The following TMEM243 variants were observed in gnomAD, a reference collection of about 807,000 sequenced individuals.
TMEM243 encodes the protein transmembrane protein 243.
TMEM243 carries 20 observed loss-of-function variants against 15.0 expected under a neutral mutation model. The observed-to-expected ratio is 1.33, with a 90% CI of 0.94 to 1.93. The LOEUF (loss-of-function observed/expected upper bound fraction) is 1.93. TMEM243 is among the 30% of genes most tolerant of loss of function. The pLI is 0.00. For synonymous variants in TMEM243, 72 were observed against 52.7 expected (o/e 1.37, Z -1.59); for missense variants, 156 against 142.1 (o/e 1.10, Z -0.50).
intron 1 of TMEM243, among the ~76,000 whole-genome samples, chr7:87,203,901 C>T (rs1802008831): frequency 1.3e-5 from 2 of 152,122 alleles, no homozygotes; most frequent in South Asian, 4.1e-4. Context: ...CCCAAAAAAG[C>T]AAGCTCTGGC....
chr7:87,212,483 C>A (rs1802822342), intron 1 of TMEM243, among the ~76,000 whole-genome samples: 2 of 152,098 alleles, frequency 1.3e-5, no homozygotes, highest in African/African-American at 4.8e-5. Flanking sequence ...CAAAGACCAG[C>A]AAAAATCACA....
chr7:87,209,695 C>CGAGACACAGTGAGAGT (rs1433900569), intron 1 of TMEM243, among the ~76,000 whole-genome samples: 6 of 92,706 alleles, frequency 6.5e-5, no homozygotes, highest in Non-Finnish European at 1.3e-4. Context: ...AGCGAGAGAG[C>CGAGACACAGTGAGAGT]GAGACACAGT....
intron 1 of TMEM243, chr7:87,216,994 T>A (rs1264269425): frequency 6.6e-6 from 1 of 152,164 alleles, no homozygotes; most frequent in African/African-American, 2.4e-5. Flanking sequence ...AATTTGATGA[T>A]CAAACAAGGG....
At chr7:87,202,522 T>C (rs751574185) in intron 1 of TMEM243, among the ~76,000 whole-genome samples, 8 of 152,156 alleles carry the variant, frequency 5.3e-5, no homozygotes, top group East Asian at 1.9e-4. Flanking sequence ...GATGGAGATA[T>C]ATGCAACTGG....
In TMEM243 at chr7:87,196,313, AT is replaced by A. The variant is rs1225224356; in HGVS notation, c.*322del. On this transcript the variant is annotated 3_prime_UTR_variant, in exon 4 of 4. Coordinates refer to ENST00000257637, the MANE Select transcript of TMEM243 (RefSeq NM_024315.4). The stretch of plus-strand genomic sequence containing the variant: ...TATTCAGTTTAACAGAAATAAAAGA[AT>A]ATTTGTCTTAAGATGCAAGATTTGT... The A allele has an allele frequency of 1.5e-5, 3 of 202,548 alleles. No individual in the cohort carries two copies. Among genetic ancestry groups the A allele is most frequent in the African/African-American group, 7.0e-5 (3 of 42,918 alleles). The allele number at this position is 202,548 out of a possible 1,614,324, so 12.5% of individuals were successfully genotyped here.
At chr7:87,209,523 AGAGAGTGAGAGAGAAAGT>A (rs1246097506) in intron 1 of TMEM243, among the ~76,000 whole-genome samples, 5 of 51,396 alleles carry the variant, frequency 9.7e-5, no homozygotes, top group African/African-American at 2.0e-4. Flanking sequence ...ACAGTGAGAG[AGAGAGTGAGAGAGAAAGT>A]GAGAGACAAT....
intron 2 of TMEM243, 57 bp from the exon 3 acceptor site, chr7:87,198,102 C>A: frequency 1.4e-6 from 2 of 1,434,448 alleles, no homozygotes; most frequent in Admixed American, 1.9e-5. Context: ...TTGGTAATTA[C>A]CAACTGGAGT....
intron 1 of TMEM243, 84 bp downstream of exon 1, chr7:87,219,342 C>T: frequency 1.5e-6 from 2 of 1,373,420 alleles, no homozygotes; most frequent in Non-Finnish European, 2.1e-6. Context: ...TTAGGAGCCG[C>T]AGAAAGACGC....
Position 87,209,774 on chromosome 7 carries a change from CAG to C in TMEM243, c.78+9650_78+9651del, listed in dbSNP as rs1315701221. On this transcript the variant is annotated intron_variant, in intron 1 of 3. Coordinates refer to ENST00000257637, the MANE Select transcript of TMEM243 (RefSeq NM_024315.4). ...ACAGAGCGAGACAGTGAGAGCGAGA[CAG>C]AGCGAGACAGTGAGAGCGAGACAGA... Among the ~76,000 whole-genome samples the C allele has an allele frequency of 2.5e-4, 18 of 72,944 alleles. No homozygotes were observed. In the East Asian group the frequency reaches 7.3e-3, roughly 30 times the overall value. The allele number at this position is 72,944 out of a possible 152,430, so 47.9% of individuals were successfully genotyped here.
chr7:87,201,859 C>T (rs771700167), intron 1 of TMEM243, among the ~76,000 whole-genome samples: 2 of 152,170 alleles, frequency 1.3e-5, no homozygotes, highest in Non-Finnish European at 2.9e-5. Context: ...AAACCTTGTA[C>T]TGTGGCTTAT....
chr7:87,213,707 A>C (rs1423131739), intron 1 of TMEM243, among the ~76,000 whole-genome samples: 2 of 152,244 alleles, frequency 1.3e-5, no homozygotes, highest in African/African-American at 4.8e-5. Flanking sequence ...GCAGAGGCCA[A>C]ATGCTCCAAG....
At chr7:87,197,642 T>C in intron 3 of TMEM243, 1 of 1,076,656 alleles carries the variant, frequency 9.3e-7, no homozygotes, top group East Asian at 2.8e-5. Flanking sequence ...TGAGTGAAGA[T>C]GAATTAAGTA....
rs763945439 is a variant in TMEM243 at position 87,209,718 on chromosome 7, CAGTG to C, written c.78+9704_78+9707del. ...AGCGAGACACAGTGAGAGCGAGACACAGTGAGAGCGAGACACAGTGAGAGCGAGA... is the reference window on the plus strand; with the variant it reads ...AGCGAGACACAGTGAGAGCGAGACACAGAGCGAGACACAGTGAGAGCGAGA... On this transcript the variant is annotated intron_variant, in intron 1 of 3. Transcript: ENST00000257637. Among the ~76,000 whole-genome samples, 104 of 116,512 alleles carry C rather than the reference CAGTG, an allele frequency of 8.9e-4. 1 individual carries two copies. Among genetic ancestry groups the C allele is most frequent in the African/African-American group, 3.3e-3 (93 of 28,304 alleles). 76.4% of individuals were successfully genotyped at this position (116,512 alleles called of 152,430 possible). A position where few individuals can be genotyped will look rare whatever the true frequency, so the allele number is the denominator to read the frequency against.
intron 1 of TMEM243, among the ~76,000 whole-genome samples, chr7:87,209,541 T>TGAGA (rs1469022856): frequency 0.11 from 4,527 of 39,608 alleles, 97 homozygotes; most frequent in African/African-American, 0.2. Context: ...AGAGAGAAAG[T>TGAGA]GAGAGACAAT....
chr7:87,204,920 C>CT (rs1186973522), intron 1 of TMEM243, among the ~76,000 whole-genome samples: 1 of 152,388 alleles, frequency 6.6e-6, no homozygotes, highest in East Asian at 1.9e-4. Flanking sequence ...CATGAGGGCC[C>CT]TGGCCCTGCA....
At chr7:87,218,167 G>A (rs1803242341) in intron 1 of TMEM243, among the ~76,000 whole-genome samples, 2 of 152,166 alleles carry the variant, frequency 1.3e-5, no homozygotes, top group South Asian at 2.1e-4. Context: ...CCACCTGACA[G>A]GGTTCCTTGG....
chr7:87,212,805 G>C (rs1350436391), intron 1 of TMEM243, among the ~76,000 whole-genome samples: 1 of 152,042 alleles, frequency 6.6e-6, no homozygotes, highest in South Asian at 2.1e-4. Flanking sequence ...TCAAGAACTT[G>C]GTAAGTCATT....
At chr7:87,198,394 C>G (rs181261646) in intron 2 of TMEM243, 70 of 211,162 alleles carry the variant, frequency 3.3e-4, no homozygotes, top group Non-Finnish European at 1.6e-4. Flanking sequence ...TGAATATAAT[C>G]AAAGCTGGTT....
At chr7:87,209,668 GAGCGAGAGCGAGAC>G (rs1334304039) in intron 1 of TMEM243, among the ~76,000 whole-genome samples, 1 of 107,586 alleles carries the variant, frequency 9.3e-6, no homozygotes, top group African/African-American at 3.1e-5. Flanking sequence ...GAGCGAGAGA[GAGCGAGAGCGAGAC>G]ACAGCGAGAG....
Sources: allele counts gnomAD v4.1 joint callset (sites outside exome capture counted in the v4.1 genomes callset), GRCh38; gene constraint gnomAD v4.1.1; transcripts MANE v1.5; gene names NCBI Gene and HGNC (gene_info 2026-07-23, HGNC 2026-07-21).